Variants in PHKA1 observed in about 807,000 individuals in gnomAD.
PHKA1 encodes phosphorylase b kinase regulatory subunit alpha, skeletal muscle isoform.
A neutral mutation model predicts 110.2 loss-of-function variants in PHKA1; 60 were observed. The observed-to-expected ratio is 0.54, with a 90% CI of 0.44 to 0.68. The LOEUF (loss-of-function observed/expected upper bound fraction) is 0.68. Among genes scored for constraint, PHKA1 ranks in the 30% least tolerant of loss-of-function variants. The pLI is 0.00. For missense variants in PHKA1, 801 were observed against 942.5 expected (o/e 0.85, Z 1.97); for synonymous variants, 316 against 333.6 (o/e 0.95, Z 0.58).
At chrX:72,587,751 A>G (rs782699201) in intron 29 of PHKA1, among the ~76,000 whole-genome samples, 2 of 111,509 alleles carry the variant, frequency 1.8e-5, no homozygotes, top group South Asian at 7.7e-4. Flanking sequence ...TCCCAAGCAA[A>G]TGGAAAGCAA....
intron 14 of PHKA1, among the ~76,000 whole-genome samples, chrX:72,643,625 T>C (rs1556296334): frequency 2.7e-5 from 3 of 111,931 alleles, no homozygotes; most frequent in African/African-American, 9.7e-5. Flanking sequence ...CTCTTGCTTC[T>C]GTTGTCACAT....
rs1556280173 is a variant in PHKA1, at chrX:72,623,264, C to G, written c.1805G>C (p.Gly602Ala). 8.3e-7 allele frequency: 1 copy of G among 1,205,658 alleles called. No individual in the cohort carries two copies. Among genetic ancestry groups the G allele is most frequent in the Non-Finnish European group, 1.1e-6 (1 of 892,103 alleles). Reference protein sequence around the residue: ...GYFGGARVQTGKLSEFLTTSC... With the variant: ...GYFGGARVQTAKLSEFLTTSC... ...TGTTGTCAAAAACTCTGACAATTTA[C>G]CTGTTTGAACCCTAAAAATTAGAGG... Residue 602 changes from glycine to alanine, a missense_variant, in exon 18 of 32, where the codon GGT (glycine) becomes GCT (alanine). Around this residue, in one of 2 missense-constraint regions of PHKA1, gnomAD observed 502 missense variants for 519.2 expected, o/e 0.97. Transcript: ENST00000373542.
intron 8 of PHKA1, among the ~76,000 whole-genome samples, chrX:72,658,255 C>T (rs958606836): frequency 9.1e-6 from 1 of 110,495 alleles, no homozygotes; most frequent in South Asian, 3.9e-4. Flanking sequence ...GTCAGGAGTT[C>T]GAGACCAGCC....
intron 8 of PHKA1, among the ~76,000 whole-genome samples, chrX:72,662,223 T>C (rs1556304464): frequency 8.9e-6 from 1 of 111,945 alleles, no homozygotes; most frequent in African/African-American, 3.3e-5. Flanking sequence ...TGACCAAAGC[T>C]GCTGCAGTAC....
At chrX:72,603,010 T>A in intron 26 of PHKA1, 109 bp downstream of exon 26, 1 of 542,925 alleles carries the variant, frequency 1.8e-6, no homozygotes, top group Non-Finnish European at 3.2e-6. Context: ...TATATTGGAG[T>A]TTATTTATTT....
intron 6 of PHKA1, among the ~76,000 whole-genome samples, chrX:72,675,225 T>TA (rs1338201286): frequency 5.6e-5 from 6 of 107,448 alleles, no homozygotes; most frequent in Non-Finnish European, 1.9e-5. Context: ...AATAAATAAA[T>TA]AAATAAAATA....
At chrX:72,694,954 G>T (rs1208046068) in intron 4 of PHKA1, among the ~76,000 whole-genome samples, 1 of 111,759 alleles carries the variant, frequency 8.9e-6, no homozygotes, top group African/African-American at 3.2e-5. Context: ...TGGGTAGCCA[G>T]TTCATACTTT....
chrX:72,675,522 T>C (rs1191143402), intron 6 of PHKA1, among the ~76,000 whole-genome samples: 2 of 111,725 alleles, frequency 1.8e-5, no homozygotes, highest in African/African-American at 6.5e-5. Context: ...AAATCATGCA[T>C]ATTTCTCATA....
chrX:72,688,801 A>G (rs1195202075), intron 4 of PHKA1: 2 of 112,780 alleles, frequency 1.8e-5, no homozygotes, highest in Non-Finnish European at 3.7e-5. Context: ...CATAGCCACT[A>G]AAAGTATCTC....
At chrX:72,680,683 G>A (rs1214671456) in intron 5 of PHKA1, among the ~76,000 whole-genome samples, 1 of 106,553 alleles carries the variant, frequency 9.4e-6, no homozygotes, top group East Asian at 3.1e-4. Context: ...GGACAGTCGC[G>A]GCGCTGACGC....
At chrX:72,710,480 C>A (rs2054355431) in intron 2 of PHKA1, among the ~76,000 whole-genome samples, 1 of 112,008 alleles carries the variant, frequency 8.9e-6, no homozygotes, top group Admixed American at 9.5e-5. Context: ...TAGATAGAGA[C>A]CACATGTGAC....
chrX:72,613,958 G>C (rs1047798734), intron 21 of PHKA1, among the ~76,000 whole-genome samples: 1 of 111,750 alleles, frequency 8.9e-6, no homozygotes, highest in Admixed American at 9.5e-5. Context: ...TGAAGACTCA[G>C]GAACTGTTCC....
At chrX:72,611,247 T>A in intron 21 of PHKA1, 63 bp from the exon 22 acceptor site, 1 of 935,949 alleles carries the variant, frequency 1.1e-6, no homozygotes. Flanking sequence ...CATCTTTTCT[T>A]TCAGTGTTAT....
At chrX:72,585,021 G>A (rs1195725287) in intron 29 of PHKA1, among the ~76,000 whole-genome samples, 1 of 107,563 alleles carries the variant, frequency 9.3e-6, no homozygotes, top group Non-Finnish European at 1.9e-5. Flanking sequence ...CTGTCCTTGC[G>A]ATAGTTTGGT....
chrX:72,586,775 C>T (rs1047777957), intron 29 of PHKA1, among the ~76,000 whole-genome samples: 7 of 110,068 alleles, frequency 6.4e-5, no homozygotes, highest in African/African-American at 2.3e-4. Context: ...ACAAGAACTA[C>T]GTGACGCACG....
At chrX:72,615,477 T>C (rs1306981325) in intron 21 of PHKA1, among the ~76,000 whole-genome samples, 2 of 110,556 alleles carry the variant, frequency 1.8e-5, no homozygotes, top group Non-Finnish European at 3.8e-5. Flanking sequence ...AATTGTGACA[T>C]CAAAAACTCA....
chrX:72,682,942 A>T (rs1427792891), intron 5 of PHKA1, among the ~76,000 whole-genome samples: 7 of 103,793 alleles, frequency 6.7e-5, no homozygotes, highest in East Asian at 3.0e-4. Context: ...ATTAAAAAAA[A>T]AAAAAAAAAA....
In PHKA1 at chrX:72,602,158, C is replaced by T. The variant is rs1008380279; in HGVS notation, c.3033G>A (p.Gln1011=). 1.7e-6 allele frequency: 2 copies of T among 1,173,551 alleles called. No individual in the cohort carries two copies. The highest frequency in any genetic ancestry group is 2.3e-6 in the Non-Finnish European group (2 of 862,786). ...GCTAATCTCCCAGGTAGTATCTTAC[C>T]TGCTTTATCTCACTTTTTAACTGCA... ...GIMQLKSEIK[Q]VEFRRLSISA... Residue 1011 remains glutamine, a splice_region_variant and synonymous_variant, in exon 27 of 32, where the codon CAG becomes CAA. Coordinates refer to ENST00000373542, the MANE Select transcript of PHKA1 (RefSeq NM_002637.4).
intron 6 of PHKA1, among the ~76,000 whole-genome samples, chrX:72,674,182 A>T (rs1331921657): frequency 9.0e-6 from 1 of 110,615 alleles, no homozygotes; most frequent in Non-Finnish European, 1.9e-5. Context: ...TATATGTGCC[A>T]CATTTTCTTA....
Sources: gnomAD v4.1 joint callset for allele counts (sites outside exome capture counted in the v4.1 genomes callset) on GRCh38, gnomAD v4.1.1 for gene constraint, gnomAD v4.1.1 regional missense constraint, MANE v1.5 for transcripts, NCBI Gene and HGNC (gene_info 2026-07-23, HGNC 2026-07-21) for gene names.